The following RETREG1 variants were observed in gnomAD, a reference collection of about 807,000 sequenced individuals.
RETREG1 encodes reticulophagy regulator 1.
A neutral mutation model predicts 54.8 loss-of-function variants in RETREG1; 44 were observed. The ratio of observed to expected loss-of-function variants is 0.80; its 90% confidence interval spans 0.63 to 1.03. The LOEUF (loss-of-function observed/expected upper bound fraction) is 1.03. RETREG1 is among the 50% of genes least tolerant of loss of function. The probability of loss-of-function intolerance (pLI) is 0.00; values close to 1 mark genes in which losing one functional copy is unlikely to be tolerated. For synonymous variants in RETREG1, 217 were observed against 238.5 expected (o/e 0.91, Z 0.83); for missense variants, 554 against 605.1 (o/e 0.92, Z 0.89).
intron 3 of RETREG1, among the ~76,000 whole-genome samples, chr5:16,510,835 A>G (rs1740063027): frequency 6.6e-6 from 1 of 151,452 alleles, no homozygotes; most frequent in African/African-American, 2.4e-5. Flanking sequence ...AAAAAAAAAA[A>G]AAAAAAACCT....
intron 3 of RETREG1, among the ~76,000 whole-genome samples, chr5:16,516,297 A>G (rs887717839): frequency 6.6e-6 from 1 of 152,202 alleles, no homozygotes; most frequent in Non-Finnish European, 1.5e-5. Flanking sequence ...GGAACTTTAT[A>G]TTGTGTCCTG....
intron 1 of RETREG1, among the ~76,000 whole-genome samples, chr5:16,606,506 T>G (rs1298523579): frequency 6.6e-6 from 1 of 152,122 alleles, no homozygotes; most frequent in Non-Finnish European, 1.5e-5. Flanking sequence ...ATTCACCTGG[T>G]AAGCTACAGC....
chr5:16,543,874 G>A (rs984374354), intron 3 of RETREG1, among the ~76,000 whole-genome samples: 5 of 151,720 alleles, frequency 3.3e-5, no homozygotes, highest in Non-Finnish European at 7.4e-5. Flanking sequence ...CCACTTTACT[G>A]ACTAATGATG....
At chr5:16,510,101 T>C (rs1408829146) in intron 3 of RETREG1, among the ~76,000 whole-genome samples, 6 of 152,280 alleles carry the variant, frequency 3.9e-5, no homozygotes, top group Admixed American at 3.3e-4. Flanking sequence ...ATTTAATGTA[T>C]ATTTTACCAT....
At chr5:16,504,099 G>A (rs1326699769) in intron 3 of RETREG1, among the ~76,000 whole-genome samples, 3 of 151,056 alleles carry the variant, frequency 2.0e-5, no homozygotes, top group East Asian at 3.9e-4. Flanking sequence ...GTTCCCCTCC[G>A]TGTGTCCACG....
chr5:16,596,550 A>G (rs1435760991), intron 1 of RETREG1, among the ~76,000 whole-genome samples: 1 of 152,228 alleles, frequency 6.6e-6, no homozygotes, highest in African/African-American at 2.4e-5. Flanking sequence ...CACAGACTAG[A>G]ATATTTGTTT....
At chr5:16,591,940 G>C (rs1302874352) in intron 1 of RETREG1, among the ~76,000 whole-genome samples, 1 of 152,206 alleles carries the variant, frequency 6.6e-6, no homozygotes, top group Admixed American at 6.5e-5. Flanking sequence ...CATTTGACAT[G>C]AAACAGCAAC....
rs144158232 is a variant in RETREG1 at position 16,595,971 on chromosome 5, GCCTT to G, written c.320+20677_320+20680del. On this transcript the variant is annotated intron_variant, in intron 1 of 8. Coordinates refer to ENST00000306320, the MANE Select transcript of RETREG1 (RefSeq NM_001034850.3). ...TCACACTAGGGAACATTATTATTTT[GCCTT>G]CCTAAGTTTCATCATGTTCACTGTC... 6.3e-4 allele frequency among the ~76,000 whole-genome samples: 96 copies of G among 152,260 alleles called. 1 individual carries two copies. In the East Asian group the frequency reaches 0.01, roughly 16 times the overall value.
At position 16,561,689 on chromosome 5, in the gene RETREG1, C is replaced by T. The variant is rs1375043547; in HGVS notation, c.458+4074G>A. On this transcript the variant is annotated intron_variant, in intron 3 of 8. Transcript: ENST00000306320. This position sits in a 1 kb window ranked among gnomAD's most constrained non-coding sequence, Gnocchi z 4.2. ...AAACCTAACAGTTAGCAAAGTATGT[C>T]CTTCGGTTCTGCTGTGCTAATATTT... Among the ~76,000 whole-genome samples, 2 of 152,212 alleles carry T rather than the reference C, an allele frequency of 1.3e-5. No homozygotes were observed. Among genetic ancestry groups the T allele is most frequent in the Middle Eastern group, 3.4e-3 (1 of 294 alleles).
At chr5:16,609,397 C>A (rs1353386397) in intron 1 of RETREG1, among the ~76,000 whole-genome samples, 1 of 152,056 alleles carries the variant, frequency 6.6e-6, no homozygotes, top group African/African-American at 2.4e-5. Flanking sequence ...TATAACTATA[C>A]ATATAGCCAT....
intron 3 of RETREG1, among the ~76,000 whole-genome samples, chr5:16,523,216 G>A (rs1015164900): frequency 1.8e-4 from 27 of 152,172 alleles, no homozygotes; most frequent in Admixed American, 1.2e-3. Context: ...ACTAAATTCC[G>A]GACTTGGCTT....
At chr5:16,497,918 G>A (rs1462700032) in intron 3 of RETREG1, among the ~76,000 whole-genome samples, 1 of 152,182 alleles carries the variant, frequency 6.6e-6, no homozygotes, top group Non-Finnish European at 1.5e-5. Flanking sequence ...GCCCAAAAAA[G>A]AGGGTTATCA....
intron 3 of RETREG1, among the ~76,000 whole-genome samples, chr5:16,543,925 T>G (rs1356893149): frequency 6.6e-6 from 1 of 151,972 alleles, no homozygotes; most frequent in Non-Finnish European, 1.5e-5. Context: ...TGTTGAAGTG[T>G]CTGTTTAAAT....
chr5:16,514,764 T>C (rs1579633550), intron 3 of RETREG1, among the ~76,000 whole-genome samples: 2 of 151,860 alleles, frequency 1.3e-5, no homozygotes, highest in African/African-American at 2.4e-5. Context: ...CTCCCACTTA[T>C]AAGTGAGAAC....
chr5:16,612,313 G>A (rs1743366579), intron 1 of RETREG1, among the ~76,000 whole-genome samples: 1 of 151,994 alleles, frequency 6.6e-6, no homozygotes, highest in Admixed American at 6.6e-5. Flanking sequence ...TTTTATTGGT[G>A]GTAAACCACA....
chr5:16,556,222 G>A (rs934799123), intron 3 of RETREG1, among the ~76,000 whole-genome samples: 2 of 150,984 alleles, frequency 1.3e-5, no homozygotes, highest in African/African-American at 4.9e-5. Flanking sequence ...GCAGTGGCGT[G>A]ATCTTGGCTC....
At chr5:16,542,771 A>C (rs930582584) in intron 3 of RETREG1, among the ~76,000 whole-genome samples, 1 of 152,252 alleles carries the variant, frequency 6.6e-6, no homozygotes, top group African/African-American at 2.4e-5. Context: ...ACTTCTTAAC[A>C]GAACAGCCAC....
intron 3 of RETREG1, among the ~76,000 whole-genome samples, chr5:16,556,226 T>C (rs1297509339): frequency 1.3e-5 from 2 of 151,844 alleles, no homozygotes; most frequent in Non-Finnish European, 2.9e-5. Flanking sequence ...TGGCGTGATC[T>C]TGGCTCACCA....
At chr5:16,498,023 G>T (rs189370778) in intron 3 of RETREG1, among the ~76,000 whole-genome samples, 4 of 152,262 alleles carry the variant, frequency 2.6e-5, no homozygotes, top group African/African-American at 7.2e-5. Context: ...TTCATTCTAG[G>T]TTTATAATTT....
Sources: allele counts gnomAD v4.1 joint callset (sites outside exome capture counted in the v4.1 genomes callset), GRCh38; gene constraint gnomAD v4.1.1; non-coding constraint Gnocchi (gnomAD v3.1); transcripts MANE v1.5; gene names NCBI Gene and HGNC (gene_info 2026-07-23, HGNC 2026-07-21).